Variants in POLR1B observed in about 807,000 individuals in gnomAD.
POLR1B encodes DNA-directed RNA polymerase I subunit RPA2.
Under a neutral mutation model 105.8 loss-of-function variants are expected in POLR1B, and 30 were observed. The observed-to-expected ratio is 0.28, with a 90% CI of 0.21 to 0.38. The LOEUF is 0.38. Among genes scored for constraint, POLR1B ranks in the 10% least tolerant of loss-of-function variants. The pLI, the probability that POLR1B is intolerant of heterozygous loss-of-function variation, is 1.00. For synonymous variants in POLR1B, 485 were observed against 505.1 expected, an observed-to-expected ratio of 0.96 and a Z score of 0.53; for missense variants, 976 against 1,435.8, an observed-to-expected ratio of 0.68 and a Z score of 5.17.
chr2:112,547,315 A>G (rs1180101281), intron 2 of POLR1B, 106 bp from the exon 3 acceptor site: 1 of 1,488,434 alleles, frequency 6.7e-7, no homozygotes, highest in Non-Finnish European at 9.2e-7. Context: ...AATCTAAGGC[A>G]TAAAATAATT....
chr2:112,542,091 G>A, upstream of POLR1B: 1 of 1,535,010 alleles, frequency 6.5e-7, no homozygotes. Flanking sequence ...GGGAACAGGT[G>A]AAGGGAAACA....
At position 112,575,829 on chromosome 2, in the gene POLR1B, T is replaced by C; in HGVS notation, c.*100T>C. On this transcript the variant is annotated 3_prime_UTR_variant, in exon 15 of 15. Coordinates refer to ENST00000263331, the MANE Select transcript of POLR1B (RefSeq NM_019014.6). The surrounding 1 kb of genome is among the most constrained non-coding windows in gnomAD (Gnocchi z 5.3). ...ATTACCAGGTTACTCTTGAGATTTT[T>C]CAACGGTGTTAGAACTCTCAACCAA... 7.4e-7 allele frequency: 1 copy of C among 1,356,344 alleles called. No homozygotes were observed. Among genetic ancestry groups the C allele is most frequent in the Non-Finnish European group, 1.0e-6 (1 of 997,808 alleles). The allele number at this position is 1,356,344 out of a possible 1,614,324, so 84.0% of individuals were successfully genotyped here. A position where few individuals can be genotyped will look rare whatever the true frequency, so the allele number is the denominator to read the frequency against.
chr2:112,545,081 G>A (rs1682965386), intron 1 of POLR1B, among the ~76,000 whole-genome samples: 1 of 152,098 alleles, frequency 6.6e-6, no homozygotes, highest in Non-Finnish European at 1.5e-5. Context: ...ATTTAGTGCC[G>A]TGTTTTGTGC....
intron 1 of POLR1B, 148 bp from the exon 2 acceptor site, chr2:112,546,864 A>T (rs1464553491): frequency 1.2e-6 from 1 of 807,374 alleles, no homozygotes; most frequent in Non-Finnish European, 1.9e-6. Context: ...CGCCCGGCCA[A>T]CTGGAGGTAG....
intron 7 of POLR1B, chr2:112,553,535 A>C (rs532772923): frequency 1.3e-5 from 2 of 152,168 alleles, no homozygotes; most frequent in African/African-American, 4.8e-5. Context: ...GCTGGTCTCA[A>C]ACTCCTGGGC....
chr2:112,555,159 C>T (rs531497745), intron 7 of POLR1B, among the ~76,000 whole-genome samples: 10 of 151,230 alleles, frequency 6.6e-5, no homozygotes, highest in Non-Finnish European at 1.5e-4. Flanking sequence ...CCAGCCTGGG[C>T]GACAGAGCAA....
chr2:112,551,990 C>T lies in POLR1B; in HGVS notation c.978C>T (p.Phe326=). Residue 326 remains phenylalanine, a synonymous_variant, in exon 6 of 15, where the codon TTC becomes TTT. Coordinates refer to ENST00000263331, the MANE Select transcript of POLR1B (RefSeq NM_019014.6). ...DWYPNEQAAE[F]LFNQCICIHL... ...ACCCAAATGAGCAAGCTGCGGAGTT[C>T]CTGTTTAAGTATGTGTGCTTTGTCT... 1 of 1,613,628 alleles carries T rather than the reference C, an allele frequency of 6.2e-7. No individual in the cohort carries two copies. Among genetic ancestry groups the T allele is most frequent in the Non-Finnish European group, 8.5e-7 (1 of 1,179,576 alleles).
intron 7 of POLR1B, 81 bp from the exon 8 acceptor site, chr2:112,557,829 A>G (rs1353696555): frequency 1.0e-5 from 8 of 794,188 alleles, no homozygotes; most frequent in Non-Finnish European, 1.4e-5. Context: ...CAAGCGATCC[A>G]CCCAATCCTG....
Position 112,579,361 on chromosome 2 carries a change from T to C in POLR1B, c.*3632T>C, listed in dbSNP as rs1684999968. 1.3e-5 allele frequency: 2 copies of C among 152,194 alleles called. No individual in the cohort carries two copies. Among genetic ancestry groups the C allele is most frequent in the Non-Finnish European group, 2.9e-5 (2 of 68,044 alleles). 9.4% of individuals were successfully genotyped at this position (152,194 alleles called of 1,614,324 possible). ...CTGGGTCATATGGTAGTTGCATATTTCATTTAATAAACTGCCAAACTTTTC... is the reference window on the plus strand; with the variant it reads ...CTGGGTCATATGGTAGTTGCATATTCCATTTAATAAACTGCCAAACTTTTC... On this transcript the variant is annotated 3_prime_UTR_variant, in exon 15 of 15. Transcript: ENST00000263331.
intron 6 of POLR1B, 39 bp downstream of exon 6, chr2:112,552,037 A>T: frequency 6.5e-7 from 1 of 1,534,430 alleles, no homozygotes. Flanking sequence ...GGAGGGGCGG[A>T]GGGCTGTCAG....
chr2:112,566,819 G>A (rs757729737), intron 10 of POLR1B, among the ~76,000 whole-genome samples: 17 of 149,728 alleles, frequency 1.1e-4, no homozygotes, highest in Non-Finnish European at 1.6e-4. Context: ...TGCAGCCTCC[G>A]CCTCCCATGT....
intron 1 of POLR1B, 161 bp from the exon 2 acceptor site, chr2:112,546,851 C>T: frequency 1.5e-6 from 1 of 676,984 alleles, no homozygotes; most frequent in Non-Finnish European, 2.4e-6. Flanking sequence ...GCGTGAACCA[C>T]TGCGCCCGGC....
chr2:112,559,851 C>T lies in POLR1B; in HGVS notation c.1612+277C>T, dbSNP rs544071064. The stretch of plus-strand genomic sequence containing the variant: ...TTCACCGTGTTAGCCAGGATGGTCT[C>T]GATCTCCTGACCTCGTGATGTGCCT... On this transcript the variant is annotated intron_variant, in intron 9 of 14. Coordinates refer to ENST00000263331, the MANE Select transcript of POLR1B (RefSeq NM_019014.6). 3.3e-5 allele frequency among the ~76,000 whole-genome samples: 5 copies of T among 152,034 alleles called. No individual in the cohort carries two copies. The East Asian group carries it at 9.7e-4, about 29-fold the overall frequency.
chr2:112,549,389 T>C lies in POLR1B; in HGVS notation c.615T>C (p.Tyr205=). 1.2e-6 allele frequency: 2 copies of C among 1,610,354 alleles called. No individual in the cohort carries two copies. Among genetic ancestry groups the C allele is most frequent in the Non-Finnish European group, 1.7e-6 (2 of 1,178,584 alleles). ...RPKWKTRGPG[Y]TQYGVSMHCV... is the part of the protein sequence containing the mutation. The stretch of plus-strand genomic sequence containing the variant: ...AATGGAAAACCAGAGGGCCTGGTTA[T>C]ACTCAGTATGGTAAGTTCTGGAGAT... The change falls in exon 4 of 15, where the codon TAT becomes TAC. Residue 205 remains tyrosine, a synonymous_variant. Transcript: ENST00000263331.
intron 8 of POLR1B, 120 bp downstream of exon 8, chr2:112,558,201 C>A (rs766856462): frequency 1.6e-4 from 116 of 723,972 alleles, no homozygotes; most frequent in Non-Finnish European, 2.1e-4. Context: ...TTTCTCATAA[C>A]TATGACTTCG....
Position 112,575,643 on chromosome 2 carries a change from G to A in POLR1B, c.3322G>A (p.Asp1108Asn), listed in dbSNP as rs773808006. 22 of 1,613,954 alleles carry A rather than the reference G, an allele frequency of 1.4e-5. No individual in the cohort carries two copies. The highest frequency in any genetic ancestry group is 1.8e-5 in the Non-Finnish European group (21 of 1,180,032). ...CTLCSRSDTI[D>N]TVSVPYVFRY... is the part of the protein sequence containing the mutation. ...TCTGTGTAGTCGCAGTGACACTATC[G>A]ATACTGTTTCTGTGCCTTATGTTTT... The change falls in exon 15 of 15, where the codon GAT (aspartate) becomes AAT (asparagine). Residue 1108 changes from aspartate (D) to asparagine (N), a missense_variant. This residue lies in a region of POLR1B where 77 missense variants were observed against 104.5 expected (regional missense o/e 0.74). Coordinates refer to ENST00000263331, the MANE Select transcript of POLR1B (RefSeq NM_019014.6). The surrounding 1 kb of genome is among the most constrained non-coding windows in gnomAD (Gnocchi z 5.3).
upstream of POLR1B, chr2:112,542,443 A>T: frequency 7.5e-7 from 1 of 1,327,712 alleles, no homozygotes; most frequent in African/African-American, 1.5e-5. Flanking sequence ...GTACCGAGAG[A>T]CTGGCGTCCG....
intron 7 of POLR1B, among the ~76,000 whole-genome samples, chr2:112,556,363 C>G (rs1263931460): frequency 6.6e-6 from 1 of 152,200 alleles, no homozygotes. Context: ...ACAAATCCTA[C>G]TAGTGTGTAG....
At chr2:112,550,501 A>G (rs905481656) in intron 4 of POLR1B, among the ~76,000 whole-genome samples, 1 of 152,140 alleles carries the variant, frequency 6.6e-6, no homozygotes, top group Non-Finnish European at 1.5e-5. Flanking sequence ...AACTGAAATA[A>G]AATCTAAAAT....
Sources: gnomAD v4.1 joint callset for allele counts (sites outside exome capture counted in the v4.1 genomes callset) on GRCh38, gnomAD v4.1.1 for gene constraint, gnomAD v4.1.1 regional missense constraint, Gnocchi (gnomAD v3.1) non-coding constraint, MANE v1.5 for transcripts, NCBI Gene and HGNC (gene_info 2026-07-23, HGNC 2026-07-21) for gene names.